Variants in THSD4 observed in about 807,000 individuals in gnomAD.
The protein encoded by THSD4 is thrombospondin type 1 domain containing 4.
A neutral mutation model predicts 119.0 loss-of-function variants in THSD4; 69 were observed. The ratio of observed to expected loss-of-function variants is 0.58; its 90% confidence interval spans 0.48 to 0.71. The LOEUF is 0.71. THSD4 is among the 30% of genes least tolerant of loss of function. The probability of loss-of-function intolerance (pLI) is 0.00; values close to 1 mark genes in which losing one functional copy is unlikely to be tolerated. For synonymous variants in THSD4, 524 were observed against 540.4 expected (o/e 0.97, Z 0.42); for missense variants, 1,393 against 1,391.1 (o/e 1.00, Z -0.02).
intron 7 of THSD4, among the ~76,000 whole-genome samples, chr15:71,433,562 A>G (rs2046969033): frequency 6.6e-6 from 1 of 151,776 alleles, no homozygotes. Context: ...CTGGACATAG[A>G]CACCCTCCCC....
At chr15:71,727,553 A>AAAAAAAAAATAC (rs2052875274) in intron 8 of THSD4, among the ~76,000 whole-genome samples, 1 of 122,792 alleles carries the variant, frequency 8.1e-6, no homozygotes, top group African/African-American at 3.9e-5. Context: ...AAAAAAAAAA[A>AAAAAAAAAATAC]ATATATATAT....
intron 3 of THSD4, among the ~76,000 whole-genome samples, chr15:71,190,965 C>G (rs2043666517): frequency 1.3e-5 from 2 of 152,286 alleles, no homozygotes; most frequent in African/African-American, 4.8e-5. Flanking sequence ...TCATGCTTTA[C>G]TAAATTGCTC....
At chr15:71,376,518 C>T (rs1428617074) in intron 6 of THSD4, among the ~76,000 whole-genome samples, 2 of 152,198 alleles carry the variant, frequency 1.3e-5, no homozygotes, top group Admixed American at 6.5e-5. Context: ...TCTGGCCATT[C>T]TGTGGTTGGG....
intron 17 of THSD4, among the ~76,000 whole-genome samples, chr15:71,773,603 T>C (rs2053863020): frequency 6.6e-6 from 1 of 152,260 alleles, no homozygotes; most frequent in Admixed American, 6.5e-5. Context: ...TATTCTTTGA[T>C]GTGCCTCAAA....
At chr15:71,723,024 G>A (rs892804538) in intron 8 of THSD4, among the ~76,000 whole-genome samples, 4 of 151,080 alleles carry the variant, frequency 2.6e-5, no homozygotes, top group Non-Finnish European at 4.4e-5. Context: ...TGGATGGCCA[G>A]TGTTAGAACC....
chr15:71,727,623 AG>A (rs2052885883), intron 8 of THSD4, among the ~76,000 whole-genome samples: 1 of 129,794 alleles, frequency 7.7e-6, no homozygotes, highest in Non-Finnish European at 1.6e-5. Flanking sequence ...CACACACACA[AG>A]CCAGGCATGG....
chr15:71,111,163 AC>A, upstream of THSD4: 1 of 1,611,030 alleles, frequency 6.2e-7, no homozygotes, highest in Non-Finnish European at 8.5e-7. Context: ...ATCTCCTCTG[AC>A]CAGATGTGGG....
At position 71,780,218 on chromosome 15, in the gene THSD4, C is replaced by T. The variant is rs1054260; in HGVS notation, c.*2844C>T. The T allele has an allele frequency of 0.47, 71,826 of 152,330 alleles. 20,042 individuals are homozygous for T. The highest frequency in any genetic ancestry group is 0.62 in the Non-Finnish European group (42,469 of 68,260). The allele number at this position is 152,330 out of a possible 1,614,324, so 9.4% of individuals were successfully genotyped here. A position where few individuals can be genotyped will look rare whatever the true frequency, so the allele number is the denominator to read the frequency against. ...GTCTTCCCATTGTTCTTTAACTGGC[C>T]GTAATGTGGAATTGATATTTACATT... On this transcript the variant is annotated 3_prime_UTR_variant, in exon 18 of 18. Coordinates refer to ENST00000261862, the MANE Select transcript of THSD4 (RefSeq NM_024817.3).
chr15:71,738,010 G>A lies in THSD4; in HGVS notation c.1906+3G>A. 6.2e-7 allele frequency: 1 copy of A among 1,613,124 alleles called. No individual in the cohort carries two copies. Among genetic ancestry groups the A allele is most frequent in the Non-Finnish European group, 8.5e-7 (1 of 1,179,356 alleles). On this transcript the variant is annotated splice_donor_region_variant and intron_variant, in intron 11 of 17. Transcript: ENST00000261862. ...ATGTTCCACGACCTGTGGGAAAGGT[G>A]AGCCTGTGTGGGGGACGGGTGGATC... is the stretch of plus-strand genomic sequence containing the variant.
chr15:71,313,181 C>T lies in THSD4; in HGVS notation c.1015+56466C>T, dbSNP rs376872888. 2.6e-5 allele frequency among the ~76,000 whole-genome samples: 4 copies of T among 152,240 alleles called. No individual in the cohort carries two copies. The East Asian group carries it at 5.8e-4, about 22-fold the overall frequency. ...TTATTTTATACTTTGGGCTACAGTT[C>T]ACTTCTACTTTATTTATTTATTGCT... On this transcript the variant is annotated intron_variant, in intron 6 of 17. Transcript: ENST00000261862.
intron 7 of THSD4, among the ~76,000 whole-genome samples, chr15:71,446,718 T>G (rs1031017522): frequency 3.0e-4 from 46 of 152,272 alleles, no homozygotes; most frequent in African/African-American, 1.1e-3. Context: ...AAGTTTCTCT[T>G]CATTTTTTCT....
At chr15:71,255,782 T>A (rs2044308334) in intron 5 of THSD4, among the ~76,000 whole-genome samples, 1 of 152,206 alleles carries the variant, frequency 6.6e-6, no homozygotes. Context: ...TCTGTAAAAC[T>A]ACAGTGTTTA....
chr15:71,340,540 G>T (rs1033366100), intron 6 of THSD4, among the ~76,000 whole-genome samples: 2 of 151,434 alleles, frequency 1.3e-5, no homozygotes, highest in Non-Finnish European at 2.9e-5. Context: ...TGCTGTGACT[G>T]CCTTCCACTT....
chr15:71,537,545 T>G (rs2048703431), intron 7 of THSD4, among the ~76,000 whole-genome samples: 1 of 152,122 alleles, frequency 6.6e-6, no homozygotes, highest in Non-Finnish European at 1.5e-5. Flanking sequence ...TTACCATATA[T>G]CTTTCCTTTG....
At chr15:71,669,113 C>T (rs975399131) in intron 8 of THSD4, among the ~76,000 whole-genome samples, 2 of 152,194 alleles carry the variant, frequency 1.3e-5, no homozygotes, top group African/African-American at 4.8e-5. Flanking sequence ...CCAATTTACA[C>T]TCCCACCAGA....
At chr15:71,354,327 G>A (rs1297186925) in intron 6 of THSD4, among the ~76,000 whole-genome samples, 2 of 152,162 alleles carry the variant, frequency 1.3e-5, no homozygotes, top group East Asian at 3.9e-4. Context: ...AGGAGACTGA[G>A]GGGAGAGGCC....
chr15:71,545,141 G>C (rs923624269), intron 7 of THSD4, among the ~76,000 whole-genome samples: 2 of 152,240 alleles, frequency 1.3e-5, no homozygotes, highest in Non-Finnish European at 2.9e-5. Flanking sequence ...TGTATACTTA[G>C]TAATGGCCAA....
intron 7 of THSD4, among the ~76,000 whole-genome samples, chr15:71,596,365 G>C (rs965368954): frequency 1.3e-5 from 2 of 152,040 alleles, no homozygotes; most frequent in African/African-American, 4.8e-5. Flanking sequence ...TTATCCAAAG[G>C]CCTTTTTTTT....
At chr15:71,537,481 C>CA (rs2140830249) in intron 7 of THSD4, among the ~76,000 whole-genome samples, 1 of 152,254 alleles carries the variant, frequency 6.6e-6, no homozygotes, top group Non-Finnish European at 1.5e-5. Flanking sequence ...ATCAGGAAGG[C>CA]AAGTATTGCT....
Sources: allele counts gnomAD v4.1 joint callset (sites outside exome capture counted in the v4.1 genomes callset), GRCh38; gene constraint gnomAD v4.1.1; transcripts MANE v1.5; gene names NCBI Gene and HGNC (gene_info 2026-07-23, HGNC 2026-07-21).